The following MGAT4C variants were observed in gnomAD, a reference collection of about 807,000 sequenced individuals.
MGAT4C encodes the protein MGAT4 family member C.
In MGAT4C, 19 loss-of-function variants were observed where a neutral mutation model predicts 40.1. The observed-to-expected ratio is 0.47, with a 90% CI of 0.33 to 0.70. The LOEUF (loss-of-function observed/expected upper bound fraction) is 0.70. Among genes scored for constraint, MGAT4C ranks in the 30% least tolerant of loss-of-function variants. MGAT4C has a pLI of 0.02. For synonymous variants in MGAT4C, 181 were observed against 187.1 expected (o/e 0.97, Z 0.27); for missense variants, 491 against 563.2 (o/e 0.87, Z 1.30).
At chr12:86,441,057 T>G (rs973642499) in intron 2 of MGAT4C, among the ~76,000 whole-genome samples, 1 of 152,010 alleles carries the variant, frequency 6.6e-6, no homozygotes, top group African/African-American at 2.4e-5. Flanking sequence ...AATCTACAGA[T>G]TCAATACAAT....
intron 1 of MGAT4C, among the ~76,000 whole-genome samples, chr12:86,072,344 T>C (rs956633315): frequency 2.6e-5 from 4 of 151,954 alleles, no homozygotes; most frequent in East Asian, 1.9e-4. Context: ...TGTTTTTTTT[T>C]CCCCAAAACA....
chr12:86,251,108 C>T (rs545754792), intron 1 of MGAT4C, among the ~76,000 whole-genome samples: 30 of 144,912 alleles, frequency 2.1e-4, no homozygotes, highest in African/African-American at 5.8e-4. Flanking sequence ...AACAAACTTA[C>T]GAGGTAGGTA....
intron 3 of MGAT4C, among the ~76,000 whole-genome samples, chr12:86,340,180 TTAAG>T (rs1954879234): frequency 1.3e-5 from 2 of 152,196 alleles, no homozygotes; most frequent in Non-Finnish European, 2.9e-5. Context: ...CAGTCAGATA[TTAAG>T]TAAATCATCT....
chr12:86,545,345 A>T (rs1432308971), intron 2 of MGAT4C, among the ~76,000 whole-genome samples: 1 of 152,054 alleles, frequency 6.6e-6, no homozygotes, highest in African/African-American at 2.4e-5. Flanking sequence ...AAAATGCTTA[A>T]TATGAAATGG....
intron 1 of MGAT4C, among the ~76,000 whole-genome samples, chr12:86,166,015 A>C (rs1886154129): frequency 6.6e-6 from 1 of 152,152 alleles, no homozygotes; most frequent in African/African-American, 2.4e-5. Context: ...CACGCTCTTA[A>C]TTTTGAAAGT....
chr12:86,463,300 C>T (rs1957629451), intron 2 of MGAT4C, among the ~76,000 whole-genome samples: 1 of 152,120 alleles, frequency 6.6e-6, no homozygotes. Context: ...AACTACTCTA[C>T]CAGCTATAGT....
At chr12:86,240,205 T>C (rs1317188477) in intron 1 of MGAT4C, among the ~76,000 whole-genome samples, 1 of 151,006 alleles carries the variant, frequency 6.6e-6, no homozygotes. Flanking sequence ...ATATATATCA[T>C]ATATATATAT....
rs1355325521 is a variant in MGAT4C at position 85,967,056 on chromosome 12, T to A, written c.*12233A>T. ...AACTTAAAGTATAATAATAAAAAAATTCTTAGTTATTTGAAAATAGTTTTT... is the reference window on the plus strand; with the variant it reads ...AACTTAAAGTATAATAATAAAAAAAATCTTAGTTATTTGAAAATAGTTTTT... On this transcript the variant is annotated 3_prime_UTR_variant, in exon 5 of 5. Transcript: ENST00000611864. The A allele has an allele frequency of 6.6e-6, 1 of 152,074 alleles. No individual in the cohort carries two copies. The highest frequency in any genetic ancestry group is 2.4e-5 in the African/African-American group (1 of 41,420). 9.4% of individuals were successfully genotyped at this position (152,074 alleles called of 1,614,324 possible).
intron 1 of MGAT4C, among the ~76,000 whole-genome samples, chr12:86,825,628 A>G (rs1422284683): frequency 1.3e-5 from 2 of 151,510 alleles, no homozygotes; most frequent in Non-Finnish European, 3.0e-5. Flanking sequence ...ATGGAAACAC[A>G]TTAATGAAGA....
intron 4 of MGAT4C, among the ~76,000 whole-genome samples, chr12:86,266,423 A>C (rs1301735287): frequency 6.6e-6 from 1 of 152,132 alleles, no homozygotes; most frequent in Non-Finnish European, 1.5e-5. Flanking sequence ...CATTCTGTTT[A>C]TATACTGTAT....
chr12:86,442,898 G>A (rs959905300), intron 2 of MGAT4C, among the ~76,000 whole-genome samples: 1 of 152,038 alleles, frequency 6.6e-6, no homozygotes, highest in African/African-American at 2.4e-5. Flanking sequence ...TCAACATTGA[G>A]GTAAGACCCT....
chr12:86,315,787 A>T (rs1954203434), intron 4 of MGAT4C, among the ~76,000 whole-genome samples: 1 of 152,038 alleles, frequency 6.6e-6, no homozygotes, highest in Admixed American at 6.6e-5. Context: ...CTCGGGAAAT[A>T]ATTTATGATA....
intron 2 of MGAT4C, among the ~76,000 whole-genome samples, chr12:86,682,620 A>T (rs1285667600): frequency 6.6e-6 from 1 of 152,144 alleles, no homozygotes; most frequent in African/African-American, 2.4e-5. Context: ...AGGGAAAAAA[A>T]GTTTCTTGTC....
At chr12:86,359,708 T>C (rs1291862039) in intron 3 of MGAT4C, among the ~76,000 whole-genome samples, 2 of 152,108 alleles carry the variant, frequency 1.3e-5, no homozygotes, top group Admixed American at 6.5e-5. Flanking sequence ...AACACGTCTA[T>C]GCAAATAAAC....
At position 85,979,927 on chromosome 12, in the gene MGAT4C, G is replaced by A; in HGVS notation, c.799C>T (p.His267Tyr). The change falls in exon 5 of 5, where the codon CAT becomes TAT. Residue 267 changes from histidine to tyrosine, a missense_variant. His to Tyr is a moderately conservative substitution (Grantham distance 83, BLOSUM62 2). Coordinates refer to ENST00000611864, the MANE Select transcript of MGAT4C (RefSeq NM_001351288.2). ...LGYIGKLYHSHDLPRLAHFLL... is the reference protein window; with the variant it reads ...LGYIGKLYHSYDLPRLAHFLL... ...AAATGGGCCAAACGTGGGAGATCATGAGAATGATAGAGTTTACCAATGTAG... is the reference window on the plus strand; with the variant it reads ...AAATGGGCCAAACGTGGGAGATCATAAGAATGATAGAGTTTACCAATGTAG... 6.2e-7 allele frequency: 1 copy of A among 1,613,812 alleles called. No homozygotes were observed. Among genetic ancestry groups the A allele is most frequent in the South Asian group, 1.1e-5 (1 of 91,082 alleles).
intron 1 of MGAT4C, among the ~76,000 whole-genome samples, chr12:86,185,934 A>T (rs1366645827): frequency 6.6e-6 from 1 of 152,118 alleles, no homozygotes; most frequent in Non-Finnish European, 1.5e-5. Context: ...CCCAGAAAAA[A>T]AAATGGCATT....
At chr12:86,433,553 C>G (rs1054139573) in intron 3 of MGAT4C, among the ~76,000 whole-genome samples, 1 of 151,826 alleles carries the variant, frequency 6.6e-6, no homozygotes, top group African/African-American at 2.4e-5. Flanking sequence ...TTCATGGTAA[C>G]ATAGTTAATG....
At chr12:85,989,115 C>T (rs1885586922) in intron 3 of MGAT4C, among the ~76,000 whole-genome samples, 3 of 151,982 alleles carry the variant, frequency 2.0e-5, no homozygotes, top group Admixed American at 2.0e-4. Flanking sequence ...ATCTTAATGG[C>T]TCCACATATT....
chr12:86,830,110 C>G (rs1329110552), intron 1 of MGAT4C, among the ~76,000 whole-genome samples: 1 of 151,422 alleles, frequency 6.6e-6, no homozygotes, highest in Non-Finnish European at 1.5e-5. Flanking sequence ...GTTGGGTTGC[C>G]TATTAATGAC....
Sources: gnomAD v4.1 joint callset for allele counts (sites outside exome capture counted in the v4.1 genomes callset) on GRCh38, gnomAD v4.1.1 for gene constraint, MANE v1.5 for transcripts, NCBI Gene and HGNC (gene_info 2026-07-23, HGNC 2026-07-21) for gene names.